The following GPR26 variants were observed in gnomAD, a reference collection of about 807,000 sequenced individuals.
The protein encoded by GPR26 is G protein-coupled receptor 26.
GPR26 carries 15 observed loss-of-function variants against 23.1 expected under a neutral mutation model. The observed-to-expected ratio is 0.65, with a 90% CI of 0.43 to 1.00. The LOEUF (loss-of-function observed/expected upper bound fraction) is 1.00. Ranked by LOEUF, GPR26 falls within the 50% of genes least tolerant of loss-of-function variation. GPR26 has a pLI of 0.00. For missense variants in GPR26, 359 were observed against 470.5 expected (o/e 0.76, Z 2.19); for synonymous variants, 228 against 222.1 (o/e 1.03, Z -0.24).
chr10:123,691,241 G>A lies in GPR26; in HGVS notation c.*3081G>A, dbSNP rs1250157427. ...TCTCATGGTCAGCTCGCCTCTCAAA[G>A]ATGGCTCACCAATCACCTGCCTGTT... On this transcript the variant is annotated 3_prime_UTR_variant, in exon 3 of 3. Transcript: ENST00000284674. The A allele has an allele frequency of 1.3e-5, 2 of 151,550 alleles. No individual in the cohort carries two copies. Among genetic ancestry groups the A allele is most frequent in the Admixed American group, 1.3e-4 (2 of 15,106 alleles). 9.4% of individuals were successfully genotyped at this position (151,550 alleles called of 1,614,324 possible). A position where few individuals can be genotyped will look rare whatever the true frequency, so the allele number is the denominator to read the frequency against.
rs1443537844 is a variant in GPR26, at chr10:123,691,737, C to T, written c.*3577C>T. 5 of 152,156 alleles carry T rather than the reference C, an allele frequency of 3.3e-5. No homozygotes were observed. Among genetic ancestry groups the T allele is most frequent in the Non-Finnish European group, 7.3e-5 (5 of 68,048 alleles). The allele number at this position is 152,156 out of a possible 1,614,324, so 9.4% of individuals were successfully genotyped here. ...TGTGTCTGGAAGGGAGCCATTAGCTCTTAAATTATTCACAGAAGTCACCAC... is the reference window on the plus strand; with the variant it reads ...TGTGTCTGGAAGGGAGCCATTAGCTTTTAAATTATTCACAGAAGTCACCAC... On this transcript the variant is annotated 3_prime_UTR_variant, in exon 3 of 3. Transcript: ENST00000284674.
intron 2 of GPR26, among the ~76,000 whole-genome samples, chr10:123,675,833 C>CGTGTGTGTGTGTGCGTGTGTGT (rs1845302994): frequency 1.5e-5 from 2 of 134,096 alleles, no homozygotes; most frequent in East Asian, 2.3e-4. Flanking sequence ...TGTGTGTGTA[C>CGTGTGTGTGTGTGCGTGTGTGT]GTGTGTGTGT....
rs1896380 is a variant in GPR26, at chr10:123,691,341, C to G, written c.*3181C>G. On this transcript the variant is annotated 3_prime_UTR_variant, in exon 3 of 3. Coordinates refer to ENST00000284674, the MANE Select transcript of GPR26 (RefSeq NM_153442.4). Reference sequence around the variant, plus strand: ...CTCAGACCAACTCTATCTCTTCTAGCACTCAGCTCAGCCTCCTGTCCCCAT... The same window carrying G: ...CTCAGACCAACTCTATCTCTTCTAGGACTCAGCTCAGCCTCCTGTCCCCAT... The G allele has an allele frequency of 0.97, 147,495 of 152,278 alleles. 71,602 individuals carry two copies. The highest frequency in any genetic ancestry group is 1 in the East Asian group (5,174 of 5,174). 9.4% of individuals were successfully genotyped at this position (152,278 alleles called of 1,614,324 possible).
At position 123,695,113 on chromosome 10, in the gene GPR26, G is replaced by A. The variant is rs543311239; in HGVS notation, c.*6953G>A. Among the ~76,000 whole-genome samples, 1 of 152,166 alleles carries A rather than the reference G, an allele frequency of 6.6e-6. No individual in the cohort carries two copies. The highest frequency in any genetic ancestry group is 1.5e-5 in the Non-Finnish European group (1 of 68,032). ...CCCTTCACTCCCACACCTATCTCCG[G>A]GTGTTGCCCGTACAGTGTGTCATGT... is the stretch of plus-strand genomic sequence containing the variant. On this transcript the variant is annotated 3_prime_UTR_variant, in exon 3 of 3. Coordinates refer to ENST00000284674, the MANE Select transcript of GPR26 (RefSeq NM_153442.4).
chr10:123,680,853 T>C (rs1845366627), intron 2 of GPR26, among the ~76,000 whole-genome samples: 4 of 151,106 alleles, frequency 2.6e-5, no homozygotes, highest in Admixed American at 2.0e-4. Context: ...TTTTTTGTTT[T>C]TTTTGAGACA....
At chr10:123,670,679 T>C (rs1845239964) in intron 1 of GPR26, among the ~76,000 whole-genome samples, 1 of 152,170 alleles carries the variant, frequency 6.6e-6, no homozygotes, top group Non-Finnish European at 1.5e-5. Flanking sequence ...CCTTGCACAC[T>C]GCACGTTGCA....
At chr10:123,682,824 C>A (rs778154555) in intron 2 of GPR26, among the ~76,000 whole-genome samples, 4 of 152,150 alleles carry the variant, frequency 2.6e-5, no homozygotes, top group Non-Finnish European at 5.9e-5. Flanking sequence ...AATGACTTCT[C>A]CATTCTGTCT....
Position 123,687,910 on chromosome 10 carries a change from C to A in GPR26, c.783-19C>A. The A allele has an allele frequency of 1.3e-6, 2 of 1,541,454 alleles. No homozygotes were observed. The highest frequency in any genetic ancestry group is 1.8e-6 in the Non-Finnish European group (2 of 1,114,436). On this transcript the variant is annotated intron_variant, in intron 2 of 2. Transcript: ENST00000284674. Reference sequence around the variant, plus strand: ...TGCTTAGCTATGTCCTCATTAACAGCTTCCCTGTCTCTCCACAGGCTAGTG... The same window carrying A: ...TGCTTAGCTATGTCCTCATTAACAGATTCCCTGTCTCTCCACAGGCTAGTG...
chr10:123,669,865 G>A lies in GPR26; in HGVS notation c.668+2790G>A, dbSNP rs75643823. Among the ~76,000 whole-genome samples, 528 of 152,316 alleles carry A rather than the reference G, an allele frequency of 3.5e-3. 1 individual carries two copies. The highest frequency in any genetic ancestry group is 7.9e-3 in the South Asian group (38 of 4,826). On this transcript the variant is annotated intron_variant, in intron 1 of 2. Coordinates refer to ENST00000284674, the MANE Select transcript of GPR26 (RefSeq NM_153442.4). ...TTTCTGTGGTGATTTCTTGAGTTAC[G>A]TTTCTGAAGCAGTTTGGAGTTTCTA... is the stretch of plus-strand genomic sequence containing the variant.
At chr10:123,686,804 C>A (rs1038147976) in intron 2 of GPR26, among the ~76,000 whole-genome samples, 8 of 152,178 alleles carry the variant, frequency 5.3e-5, no homozygotes, top group Non-Finnish European at 1.0e-4. Context: ...CTGCACCTTC[C>A]ATGGCCACTG....
chr10:123,684,426 T>C (rs1008115176), intron 2 of GPR26, among the ~76,000 whole-genome samples: 10 of 152,114 alleles, frequency 6.6e-5, no homozygotes, highest in African/African-American at 2.4e-4. Context: ...CTGCTCCCCA[T>C]GGGGTTCTTC....
intron 2 of GPR26, among the ~76,000 whole-genome samples, chr10:123,687,162 G>T (rs1317305773): frequency 2.0e-5 from 3 of 151,866 alleles, no homozygotes; most frequent in Non-Finnish European, 4.4e-5. Flanking sequence ...AAGAATGAAG[G>T]TCCCTTTAGG....
chr10:123,668,544 G>GA (rs1310715532), intron 1 of GPR26, among the ~76,000 whole-genome samples: 2 of 152,220 alleles, frequency 1.3e-5, no homozygotes, highest in Admixed American at 6.5e-5. Context: ...TTACAGGAGT[G>GA]ACACGAGTGC....
rs889863717 is a variant in GPR26, at chr10:123,690,042, C to A, written c.*1882C>A. The A allele has an allele frequency of 5.3e-5, 8 of 152,172 alleles. No individual in the cohort carries two copies. Among genetic ancestry groups the A allele is most frequent in the African/African-American group, 1.9e-4 (8 of 41,434 alleles). The allele number at this position is 152,172 out of a possible 1,614,324, so 9.4% of individuals were successfully genotyped here. A position where few individuals can be genotyped will look rare whatever the true frequency, so the allele number is the denominator to read the frequency against. On this transcript the variant is annotated 3_prime_UTR_variant, in exon 3 of 3. Coordinates refer to ENST00000284674, the MANE Select transcript of GPR26 (RefSeq NM_153442.4). Reference sequence around the variant, plus strand: ...GCTGTAAATCAGGCCTTTTGCCCCACAGAGAGCTGATTGTGAAACATCTAC... The same window carrying A: ...GCTGTAAATCAGGCCTTTTGCCCCAAAGAGAGCTGATTGTGAAACATCTAC...
chr10:123,685,860 C>T (rs1845426801), intron 2 of GPR26, among the ~76,000 whole-genome samples: 1 of 152,156 alleles, frequency 6.6e-6, no homozygotes, highest in Non-Finnish European at 1.5e-5. Context: ...ATTTCCTCAC[C>T]TGTAAAGTGG....
At position 123,691,243 on chromosome 10, in the gene GPR26, T is replaced by C. The variant is rs1216693171; in HGVS notation, c.*3083T>C. 1 of 151,232 alleles carries C rather than the reference T, an allele frequency of 6.6e-6. No homozygotes were observed. Among genetic ancestry groups the C allele is most frequent in the Non-Finnish European group, 1.5e-5 (1 of 67,780 alleles). 9.4% of individuals were successfully genotyped at this position (151,232 alleles called of 1,614,324 possible). A position where few individuals can be genotyped will look rare whatever the true frequency, so the allele number is the denominator to read the frequency against. On this transcript the variant is annotated 3_prime_UTR_variant, in exon 3 of 3. Coordinates refer to ENST00000284674, the MANE Select transcript of GPR26 (RefSeq NM_153442.4). The stretch of plus-strand genomic sequence containing the variant: ...TCATGGTCAGCTCGCCTCTCAAAGA[T>C]GGCTCACCAATCACCTGCCTGTTTT...
intron 2 of GPR26, among the ~76,000 whole-genome samples, chr10:123,676,496 G>T (rs944116144): frequency 6.6e-6 from 1 of 152,098 alleles, no homozygotes; most frequent in African/African-American, 2.4e-5. Flanking sequence ...GTGAGGCAGG[G>T]GTACCTTTCC....
At chr10:123,684,770 A>G (rs2133930596) in intron 2 of GPR26, among the ~76,000 whole-genome samples, 1 of 152,358 alleles carries the variant, frequency 6.6e-6, no homozygotes, top group Middle Eastern at 3.4e-3. Context: ...TTACTCCATT[A>G]TGACCTGATT....
At chr10:123,675,817 T>TGTGTGTGTAC (rs1554863840) in intron 2 of GPR26, among the ~76,000 whole-genome samples, 1 of 33,436 alleles carries the variant, frequency 3.0e-5, no homozygotes, top group South Asian at 8.6e-4. Context: ...TGTGTGTGTG[T>TGTGTGTGTAC]ACGTGTGTGT....
Sources: allele counts gnomAD v4.1 joint callset (sites outside exome capture counted in the v4.1 genomes callset), GRCh38; gene constraint gnomAD v4.1.1; transcripts MANE v1.5; gene names NCBI Gene and HGNC (gene_info 2026-07-23, HGNC 2026-07-21).